Variants in TUBG2 observed in about 807,000 individuals in gnomAD.
The protein encoded by TUBG2 is tubulin gamma-2 chain.
A neutral mutation model predicts 55.1 loss-of-function variants in TUBG2; 39 were observed. The observed-to-expected ratio is 0.71, with a 90% confidence interval of 0.55 to 0.93. TUBG2 has a LOEUF of 0.93. Among genes scored for constraint, TUBG2 ranks in the 40% least tolerant of loss-of-function variants. TUBG2 has a pLI of 0.00. For synonymous variants in TUBG2, 223 were observed against 241.0 expected, an observed-to-expected ratio of 0.93 and a Z score of 0.69; for missense variants, 358 against 599.1, an observed-to-expected ratio of 0.60 and a Z score of 4.20.
intron 10 of TUBG2, 36 bp downstream of exon 10, chr17:42,666,520 G>C: frequency 1.2e-6 from 2 of 1,613,636 alleles, no homozygotes; most frequent in Non-Finnish European, 1.7e-6. Flanking sequence ...AGAAGAGTCT[G>C]TTCCACTGGC....
intron 6 of TUBG2, 136 bp downstream of exon 6, chr17:42,663,639 T>C (rs531427629): frequency 8.7e-7 from 1 of 1,147,660 alleles, no homozygotes; most frequent in East Asian, 2.6e-5. Context: ...AAACCCTATC[T>C]CCACAGAAAA....
rs2052547801 is a variant in TUBG2 at position 42,666,466 on chromosome 17, C to T, written c.1140C>T (p.Asn380=). 5 of 1,614,028 alleles carry T rather than the reference C, an allele frequency of 3.1e-6. No individual in the cohort carries two copies. Among genetic ancestry groups the T allele is most frequent in the Non-Finnish European group, 4.2e-6 (5 of 1,179,994 alleles). The change falls in exon 10 of 11, where the codon AAC becomes AAT. Residue 380 remains asparagine, a synonymous_variant. Transcript: ENST00000251412. ...AHRVSGLMMA[N]HTSISSLFES... is the part of the protein sequence containing the mutation. Reference sequence around the variant, plus strand: ...GGGTCAGCGGGCTCATGATGGCCAACCACACCAGCATCTCCTCGGTGAGTC... The same window carrying T: ...GGGTCAGCGGGCTCATGATGGCCAATCACACCAGCATCTCCTCGGTGAGTC...
chr17:42,663,176 GAC>G, intron 5 of TUBG2, 124 bp downstream of exon 5: 1 of 1,265,682 alleles, frequency 7.9e-7, no homozygotes, highest in Non-Finnish European at 1.1e-6. Flanking sequence ...CCCACCCAAG[GAC>G]CATGTTGGAA....
At chr17:42,663,182 G>T in intron 5 of TUBG2, 130 bp downstream of exon 5, 1 of 1,269,220 alleles carries the variant, frequency 7.9e-7, no homozygotes. Context: ...CAAGGACCAT[G>T]TTGGAAGCTA....
Position 42,660,722 on chromosome 17 carries a change from T to TG in TUBG2, c.399+20dup, listed in dbSNP as rs1269443036. The TG allele has an allele frequency of 6.2e-7, 1 of 1,610,818 alleles. No homozygotes were observed. Among genetic ancestry groups the TG allele is most frequent in the Non-Finnish European group, 8.5e-7 (1 of 1,178,764 alleles). On this transcript the variant is annotated intron_variant, in intron 4 of 10. Coordinates refer to ENST00000251412, the MANE Select transcript of TUBG2 (RefSeq NM_016437.3). Reference sequence around the variant, plus strand: ...ACAGTTTGGAGGTGAAGTTATGGAGTGGGGGAAGGAATGGGCAGGGAGGCC... The same window carrying TG: ...ACAGTTTGGAGGTGAAGTTATGGAGTGGGGGGAAGGAATGGGCAGGGAGGCC...
rs767087612 is a variant in TUBG2 at position 42,666,208 on chromosome 17, A to G, written c.965A>G (p.Asn322Ser). 6.2e-7 allele frequency: 1 copy of G among 1,613,916 alleles called. No homozygotes were observed. Among genetic ancestry groups the G allele is most frequent in the Non-Finnish European group, 8.5e-7 (1 of 1,179,856 alleles). Residue 322 changes from asparagine (N) to serine (S), a missense_variant, in exon 9 of 11, where the codon AAC becomes AGC. Asn to Ser is a conservative substitution (Grantham distance 46). Transcript: ENST00000251412. ...AACCACTGCTACATCGCCATCCTCA[A>G]CATCATCCAGGGAGAGGTGGACCCC... The part of the protein sequence containing the change: ...QTNHCYIAIL[N>S]IIQGEVDPTQ...
At chr17:42,660,885 C>A in intron 4 of TUBG2, 178 bp downstream of exon 4, 2 of 596,494 alleles carry the variant, frequency 3.4e-6, no homozygotes, top group Non-Finnish European at 6.1e-6. Flanking sequence ...TCAAGGAAGT[C>A]ATAAATCTGA....
In TUBG2 at chr17:42,666,736, T is replaced by C; in HGVS notation, c.1292T>C (p.Leu431Pro). The C allele has an allele frequency of 6.2e-7, 1 of 1,614,074 alleles. No homozygotes were observed. The highest frequency in any genetic ancestry group is 8.5e-7 in the Non-Finnish European group (1 of 1,179,996). The change falls in exon 11 of 11, where the codon CTC (leucine) becomes CCC (proline). Residue 431 changes from leucine to proline, a missense_variant. Leu to Pro is a moderately conservative substitution (Grantham distance 98). This residue lies in a region of TUBG2 where 54 missense variants were observed against 50.2 expected (regional missense o/e 1.08). Transcript: ENST00000251412. ...AGGTCTAGGGAGGTTGTTCAGGAGC[T>C]CATTGATGAGTACCATGCGGCCACC... ...MDRSREVVQE[L>P]IDEYHAATQP...
At chr17:42,664,624 G>A (rs2052472896) in intron 6 of TUBG2, among the ~76,000 whole-genome samples, 1 of 151,734 alleles carries the variant, frequency 6.6e-6, no homozygotes, top group Non-Finnish European at 1.5e-5. Context: ...ATTTTAGGGA[G>A]TTAACTATAA....
Position 42,666,778 on chromosome 17 carries a change from C to T in TUBG2, c.1334C>T (p.Ser445Phe). ...YHAATQPDYISWGTQEQ is the reference protein window; with the variant it reads ...YHAATQPDYIFWGTQEQ ...GCGGCCACCCAGCCAGACTACATTTCCTGGGGCACCCAGGAGCAGTGATTT... is the reference window on the plus strand; with the variant it reads ...GCGGCCACCCAGCCAGACTACATTTTCTGGGGCACCCAGGAGCAGTGATTT... Residue 445 changes from serine (S) to phenylalanine (F), a missense_variant, in exon 11 of 11, where the codon TCC (serine) becomes TTC (phenylalanine). By Grantham distance (155) the Ser-to-Phe change is radical. Transcript: ENST00000251412. The T allele has an allele frequency of 6.2e-7, 1 of 1,614,098 alleles. No homozygotes were observed. Among genetic ancestry groups the T allele is most frequent in the East Asian group, 2.2e-5 (1 of 44,880 alleles).
intron 2 of TUBG2, 52 bp downstream of exon 2, chr17:42,659,998 G>C (rs749607142): frequency 8.0e-6 from 12 of 1,508,896 alleles, no homozygotes; most frequent in Middle Eastern, 3.8e-4. Flanking sequence ...GGGCGGAAGG[G>C]AAGGGAGTGG....
chr17:42,665,927 T>C, intron 8 of TUBG2, 100 bp downstream of exon 8: 1 of 1,591,926 alleles, frequency 6.3e-7, no homozygotes, highest in Non-Finnish European at 8.6e-7. Flanking sequence ...AGCTGCCCTT[T>C]GCAGGCCCCA....
intron 6 of TUBG2, among the ~76,000 whole-genome samples, chr17:42,663,706 G>A (rs538578889): frequency 6.6e-6 from 1 of 152,254 alleles, no homozygotes; most frequent in Admixed American, 6.5e-5. Context: ...CACTTTGGGA[G>A]GCTGAGACGG....
intron 6 of TUBG2, among the ~76,000 whole-genome samples, chr17:42,665,033 ATTTAT>A (rs1555635497): frequency 6.7e-6 from 1 of 148,890 alleles, no homozygotes; most frequent in African/African-American, 2.5e-5. Context: ...ATTTTATTTT[ATTTAT>A]TTTATTTTAT....
chr17:42,666,556 A>T (rs758914231), intron 10 of TUBG2, 47 bp from the exon 11 acceptor site: 20 of 1,612,446 alleles, frequency 1.2e-5, no homozygotes, highest in Non-Finnish European at 1.6e-5. Flanking sequence ...CCCCAAGTTC[A>T]CTCCTAACCC....
chr17:42,659,717 G>C, intron 1 of TUBG2, 117 bp from the exon 2 acceptor site: 1 of 1,429,078 alleles, frequency 7.0e-7, no homozygotes, highest in East Asian at 2.4e-5. Flanking sequence ...GGCTGGGGCA[G>C]CTACCAAACC....
chr17:42,662,013 T>G (rs2052398844), intron 4 of TUBG2, among the ~76,000 whole-genome samples: 1 of 152,120 alleles, frequency 6.6e-6, no homozygotes, highest in Non-Finnish European at 1.5e-5. Context: ...CATCACAAAT[T>G]GAAAATATTG....
In TUBG2 at chr17:42,665,924, CT is replaced by C. The variant is rs143181299; in HGVS notation, c.843+100del. The C allele has an allele frequency of 1.6e-3, 2,603 of 1,592,236 alleles. 33 individuals carry two copies. In the African/African-American group the frequency reaches 0.031, roughly 19 times the overall value. On this transcript the variant is annotated intron_variant, in intron 8 of 10. Coordinates refer to ENST00000251412, the MANE Select transcript of TUBG2 (RefSeq NM_016437.3). ...CTTCCCCACTGCCCCAGGAGCTGCCCTTTGCAGGCCCCAAGGCACTGCGCTC... is the reference window on the plus strand; with the variant it reads ...CTTCCCCACTGCCCCAGGAGCTGCCCTTGCAGGCCCCAAGGCACTGCGCTC...
rs776919795 is a variant in TUBG2 at position 42,666,165 on chromosome 17, G to A, written c.922G>A (p.Gly308Ser). ...LQPKNVMVST[G>S]RDRQTNHCYI... ...GCCCAAGAACGTGATGGTGTCCACA[G>A]GCCGAGACCGCCAGACCAACCACTG... is the stretch of plus-strand genomic sequence containing the variant. The change falls in exon 9 of 11, where the codon GGC becomes AGC. Residue 308 changes from glycine (G) to serine (S), a missense_variant. Gly to Ser is a moderately conservative substitution (Grantham distance 56, BLOSUM62 0). Transcript: ENST00000251412. 1.2e-6 allele frequency: 2 copies of A among 1,613,882 alleles called. No individual in the cohort carries two copies. Among genetic ancestry groups the A allele is most frequent in the Admixed American group, 1.7e-5 (1 of 60,004 alleles).
Sources: gnomAD v4.1 joint callset for allele counts (sites outside exome capture counted in the v4.1 genomes callset) on GRCh38, gnomAD v4.1.1 for gene constraint, gnomAD v4.1.1 regional missense constraint, MANE v1.5 for transcripts, NCBI Gene and HGNC (gene_info 2026-07-23, HGNC 2026-07-21) for gene names.